Variants in TIMMDC1 observed in about 807,000 individuals in gnomAD.
The protein encoded by TIMMDC1 is complex I assembly factor TIMMDC1, mitochondrial.
In TIMMDC1, 25 loss-of-function variants were observed where a neutral mutation model predicts 32.6. That is an observed-to-expected ratio of 0.77 (90% CI 0.56 to 1.07). The LOEUF (loss-of-function observed/expected upper bound fraction) is 1.07, where lower values mean the gene tolerates loss of function less well. TIMMDC1 is among the 50% of genes least tolerant of loss of function. The pLI is 0.00. For missense variants in TIMMDC1, 329 were observed against 349.2 expected (o/e 0.94, Z 0.46); for synonymous variants, 130 against 127.6 (o/e 1.02, Z -0.13).
chr3:119,518,310 C>G (rs2081999041), intron 6 of TIMMDC1, among the ~76,000 whole-genome samples: 1 of 152,122 alleles, frequency 6.6e-6, no homozygotes, highest in African/African-American at 2.4e-5. Flanking sequence ...TTGGCTGCTG[C>G]TGCTGTTGCT....
In TIMMDC1 at chr3:119,523,811, T is replaced by C; in HGVS notation, c.*55T>C. On this transcript the variant is annotated 3_prime_UTR_variant, in exon 7 of 7. Coordinates refer to ENST00000494664, the MANE Select transcript of TIMMDC1 (RefSeq NM_016589.4). ...AGCTGAAGGGAGCTGCCATGTCCGA[T>C]GAATGCCAACAGACAGGCCACTCTT... 1 of 1,473,896 alleles carries C rather than the reference T, an allele frequency of 6.8e-7. No homozygotes were observed. Among genetic ancestry groups the C allele is most frequent in the South Asian group, 1.5e-5 (1 of 68,336 alleles). 91.3% of individuals were successfully genotyped at this position (1,473,896 alleles called of 1,614,324 possible).
Position 119,524,129 on chromosome 3 carries a change from A to G in TIMMDC1, c.*373A>G, listed in dbSNP as rs2082050012. The G allele has an allele frequency of 6.4e-6, 1 of 156,454 alleles. No individual in the cohort carries two copies. The highest frequency in any genetic ancestry group is 1.4e-5 in the Non-Finnish European group (1 of 70,770). The allele number at this position is 156,454 out of a possible 1,614,324, so 9.7% of individuals were successfully genotyped here. On this transcript the variant is annotated 3_prime_UTR_variant, in exon 7 of 7. Coordinates refer to ENST00000494664, the MANE Select transcript of TIMMDC1 (RefSeq NM_016589.4). Reference sequence around the variant, plus strand: ...GAAAGGGTATTCTAGAAATCACTGGAAAGAGGAGAGGAAAGAACCAGGTAG... The same window carrying G: ...GAAAGGGTATTCTAGAAATCACTGGGAAGAGGAGAGGAAAGAACCAGGTAG...
rs1225882881 is a variant in TIMMDC1, at chr3:119,524,929, A to T, written c.*1173A>T. 6.6e-6 allele frequency: 1 copy of T among 152,230 alleles called. No individual in the cohort carries two copies. The highest frequency in any genetic ancestry group is 6.5e-5 in the Admixed American group (1 of 15,278). 9.4% of individuals were successfully genotyped at this position (152,230 alleles called of 1,614,324 possible). On this transcript the variant is annotated 3_prime_UTR_variant, in exon 7 of 7. Coordinates refer to ENST00000494664, the MANE Select transcript of TIMMDC1 (RefSeq NM_016589.4). Reference sequence around the variant, plus strand: ...CTTAGTACATACACTGTAAACAACGATCTCATTTTAAATGAGAACTTTCTC... The same window carrying T: ...CTTAGTACATACACTGTAAACAACGTTCTCATTTTAAATGAGAACTTTCTC...
chr3:119,515,790 C>T (rs758970192), intron 5 of TIMMDC1, among the ~76,000 whole-genome samples: 5 of 152,162 alleles, frequency 3.3e-5, no homozygotes, highest in Non-Finnish European at 2.9e-5. Context: ...ATGCTGTAAT[C>T]GGTTGGTTAC....
chr3:119,503,153 A>G (rs1481577493), intron 2 of TIMMDC1, among the ~76,000 whole-genome samples: 3 of 152,218 alleles, frequency 2.0e-5, no homozygotes, highest in Non-Finnish European at 2.9e-5. Flanking sequence ...GAGCATTGAC[A>G]CGTCATTCAA....
At chr3:119,522,151 A>G (rs1281811216) in intron 6 of TIMMDC1, among the ~76,000 whole-genome samples, 1 of 152,198 alleles carries the variant, frequency 6.6e-6, no homozygotes, top group East Asian at 1.9e-4. Flanking sequence ...TATGGAATCA[A>G]CGTCAGTGTC....
Position 119,500,844 on chromosome 3 carries a change from A to G in TIMMDC1, c.344A>G (p.Asn115Ser). 6.2e-7 allele frequency: 1 copy of G among 1,613,968 alleles called. No homozygotes were observed. The highest frequency in any genetic ancestry group is 8.5e-7 in the Non-Finnish European group (1 of 1,179,914). ...CAGAGCCAGGCAGAAATTTATCATA[A>G]CCGGTTTGATGCTGTGGTATGTACT... Reference protein sequence around the residue: ...IEQSQAEIYHNRFDAVQSAHR... With the variant: ...IEQSQAEIYHSRFDAVQSAHR... The change falls in exon 2 of 7, where the codon AAC becomes AGC. Residue 115 changes from asparagine to serine, a missense_variant. By Grantham distance (46) the Asn-to-Ser change is conservative (BLOSUM62 1). Coordinates refer to ENST00000494664, the MANE Select transcript of TIMMDC1 (RefSeq NM_016589.4).
chr3:119,511,603 T>C (rs566246678), intron 4 of TIMMDC1, among the ~76,000 whole-genome samples: 1 of 152,288 alleles, frequency 6.6e-6, no homozygotes, highest in African/African-American at 2.4e-5. Flanking sequence ...GGAAACACAG[T>C]TTTGGCCACA....
intron 1 of TIMMDC1, among the ~76,000 whole-genome samples, chr3:119,500,031 G>C (rs905363006): frequency 6.6e-6 from 1 of 152,166 alleles, no homozygotes; most frequent in Non-Finnish European, 1.5e-5. Flanking sequence ...AGCCTCCTAA[G>C]TTAGCTGTGA....
chr3:119,498,886 G>A lies in TIMMDC1; in HGVS notation c.153G>A (p.Pro51=). 6.2e-7 allele frequency: 1 copy of A among 1,613,992 alleles called. No homozygotes were observed. Among genetic ancestry groups the A allele is most frequent in the South Asian group, 1.1e-5 (1 of 91,088 alleles). The change falls in exon 1 of 7, where the codon CCG becomes CCA. Residue 51 remains proline, a synonymous_variant. Coordinates refer to ENST00000494664, the MANE Select transcript of TIMMDC1 (RefSeq NM_016589.4). ...RLPYVPEPYY[P]ESGWDRLREL... Reference sequence around the variant, plus strand: ...CCTACGTCCCAGAGCCCTATTACCCGGAATCTGGATGGGACCGCCTCCGGG... The same window carrying A: ...CCTACGTCCCAGAGCCCTATTACCCAGAATCTGGATGGGACCGCCTCCGGG...
chr3:119,517,087 C>A, intron 5 of TIMMDC1, 118 bp from the exon 6 acceptor site: 1 of 573,268 alleles, frequency 1.7e-6, no homozygotes, highest in South Asian at 2.4e-5. Context: ...CTCAAATGTT[C>A]CTGTACCTAA....
chr3:119,511,334 T>G (rs9873196), intron 4 of TIMMDC1, among the ~76,000 whole-genome samples: 124,913 of 151,912 alleles, frequency 0.82, 51,426 homozygotes, highest in East Asian at 0.87. Context: ...AAAAAAATAG[T>G]TGTGGTGGCA....
intron 6 of TIMMDC1, 129 bp downstream of exon 6, chr3:119,517,444 T>C (rs1486850254): frequency 3.2e-6 from 2 of 626,018 alleles, no homozygotes; most frequent in African/African-American, 1.8e-5. Context: ...TACCAAGTCC[T>C]TCAACTCATA....
chr3:119,511,201 G>A lies in TIMMDC1; in HGVS notation c.518-2440G>A, dbSNP rs1202420682. Among the ~76,000 whole-genome samples the A allele has an allele frequency of 1.3e-5, 2 of 151,988 alleles. 1 individual carries two copies. Among genetic ancestry groups the A allele is most frequent in the Non-Finnish European group, 2.9e-5 (2 of 68,014 alleles). Reference sequence around the variant, plus strand: ...TTATTGAAAAAAATTCATGTGGCCTGGCATGGTGGCTCATGCCTGTAATCC... The same window carrying A: ...TTATTGAAAAAAATTCATGTGGCCTAGCATGGTGGCTCATGCCTGTAATCC... On this transcript the variant is annotated intron_variant, in intron 4 of 6. Transcript: ENST00000494664.
chr3:119,501,011 T>A, intron 2 of TIMMDC1, 151 bp downstream of exon 2: 1 of 730,232 alleles, frequency 1.4e-6, no homozygotes, highest in South Asian at 2.4e-5. Context: ...GTGGAAGTAC[T>A]AATGTTAAAG....
chr3:119,510,097 G>A (rs1351345731), intron 4 of TIMMDC1, among the ~76,000 whole-genome samples: 1 of 152,076 alleles, frequency 6.6e-6, no homozygotes, highest in African/African-American at 2.4e-5. Context: ...GGGGAAAAAG[G>A]CAGTGCTTTT....
intron 1 of TIMMDC1, among the ~76,000 whole-genome samples, chr3:119,499,296 T>C (rs541288796): frequency 3.9e-5 from 6 of 151,908 alleles, no homozygotes; most frequent in African/African-American, 1.2e-4. Flanking sequence ...ACAGGGTTCT[T>C]ACCATGTTGC....
intron 6 of TIMMDC1, among the ~76,000 whole-genome samples, chr3:119,521,707 A>C (rs1257477698): frequency 6.7e-6 from 1 of 150,350 alleles, no homozygotes; most frequent in African/African-American, 2.5e-5. Flanking sequence ...AAAAAAAAAA[A>C]GTGGGCGGGG....
intron 1 of TIMMDC1, 154 bp downstream of exon 1, chr3:119,499,081 CT>C: frequency 3.8e-6 from 2 of 524,890 alleles, no homozygotes; most frequent in Non-Finnish European, 6.6e-6. Flanking sequence ...AAGCTTGTAT[CT>C]TTTTTCTTTC....
Sources: allele counts gnomAD v4.1 joint callset (sites outside exome capture counted in the v4.1 genomes callset), GRCh38; gene constraint gnomAD v4.1.1; transcripts MANE v1.5; gene names NCBI Gene and HGNC (gene_info 2026-07-23, HGNC 2026-07-21).